PDZRN4: variants seen among roughly 807,000 people sequenced by gnomAD.
PDZRN4 encodes the protein PDZ domain containing ring finger 4.
A neutral mutation model predicts 99.0 loss-of-function variants in PDZRN4; 70 were observed. The ratio of observed to expected loss-of-function variants is 0.71; its 90% confidence interval spans 0.58 to 0.86. PDZRN4 has a LOEUF of 0.86. PDZRN4 is among the 40% of genes least tolerant of loss of function. The pLI is 0.00. For synonymous variants in PDZRN4, 551 were observed against 501.6 expected, an observed-to-expected ratio of 1.10 and a Z score of -1.32; for missense variants, 1,474 against 1,331.2, an observed-to-expected ratio of 1.11 and a Z score of -1.67.
At chr12:41,348,320 G>T (rs1160120696) in intron 3 of PDZRN4, among the ~76,000 whole-genome samples, 1 of 152,024 alleles carries the variant, frequency 6.6e-6, no homozygotes, top group Non-Finnish European at 1.5e-5. Context: ...CAGGGGATCT[G>T]CTAAGTCAAG....
intron 3 of PDZRN4, among the ~76,000 whole-genome samples, chr12:41,392,321 A>G (rs911094101): frequency 1.5e-4 from 23 of 152,254 alleles, no homozygotes; most frequent in Admixed American, 6.5e-4. Context: ...ACACACACAC[A>G]TCAGAAATAA....
chr12:41,199,545 A>G (rs955791976), intron 3 of PDZRN4, among the ~76,000 whole-genome samples: 21 of 152,122 alleles, frequency 1.4e-4, no homozygotes, highest in Middle Eastern at 3.2e-3. Context: ...TATAAAAAAG[A>G]CACCTGCAGT....
At chr12:41,291,969 A>C (rs7959120) in intron 3 of PDZRN4, among the ~76,000 whole-genome samples, 20,065 of 152,154 alleles carry the variant, frequency 0.13, 1,735 homozygotes, top group African/African-American at 0.25. Context: ...AACTGGAAAT[A>C]TACTAGCATT....
intron 3 of PDZRN4, among the ~76,000 whole-genome samples, chr12:41,293,651 C>T (rs971658366): frequency 6.6e-6 from 1 of 152,094 alleles, no homozygotes; most frequent in Non-Finnish European, 1.5e-5. Flanking sequence ...AATAACTCAT[C>T]CTGGCAAAAG....
At chr12:41,293,432 G>T (rs934887516) in intron 3 of PDZRN4, among the ~76,000 whole-genome samples, 1 of 151,384 alleles carries the variant, frequency 6.6e-6, no homozygotes, top group Non-Finnish European at 1.5e-5. Context: ...TACTACCTGC[G>T]CTCCTGCTCT....
At chr12:41,296,231 A>G (rs955143141) in intron 3 of PDZRN4, among the ~76,000 whole-genome samples, 2 of 152,210 alleles carry the variant, frequency 1.3e-5, no homozygotes, top group Admixed American at 1.3e-4. Flanking sequence ...GGATTTCATT[A>G]AAGAACTGTA....
At chr12:41,418,713 T>C (rs1427314447) in intron 3 of PDZRN4, among the ~76,000 whole-genome samples, 2 of 152,170 alleles carry the variant, frequency 1.3e-5, no homozygotes, top group Non-Finnish European at 2.9e-5. Flanking sequence ...CAGTCCTCCT[T>C]GGAGGAGAGC....
chr12:41,380,956 A>G (rs1952120660), intron 3 of PDZRN4, among the ~76,000 whole-genome samples: 1 of 152,148 alleles, frequency 6.6e-6, no homozygotes, highest in Non-Finnish European at 1.5e-5. Flanking sequence ...AAAAGCCTTT[A>G]TCTCTGTCTT....
chr12:41,400,861 C>T (rs1239018305), intron 3 of PDZRN4, among the ~76,000 whole-genome samples: 1 of 152,066 alleles, frequency 6.6e-6, no homozygotes, highest in Admixed American at 6.6e-5. Context: ...CCAACTTGGC[C>T]AAAATTAGCC....
At chr12:41,249,410 TAAATTAGTATATGGGAACTTGC>T (rs2120804523) in intron 3 of PDZRN4, among the ~76,000 whole-genome samples, 1 of 152,234 alleles carries the variant, frequency 6.6e-6, no homozygotes, top group East Asian at 1.9e-4. Context: ...TTGGAGAAAA[TAAATTAGTATATGGGAACTTGC>T]ACACCATTTG....
chr12:41,527,690 C>T (rs145032174), intron 5 of PDZRN4, among the ~76,000 whole-genome samples: 253 of 152,304 alleles, frequency 1.7e-3, no homozygotes, highest in African/African-American at 3.6e-3. Context: ...TTTGGGCAAG[C>T]TTGACATTCA....
At chr12:41,372,898 C>T (rs963446591) in intron 3 of PDZRN4, among the ~76,000 whole-genome samples, 15 of 151,980 alleles carry the variant, frequency 9.9e-5, no homozygotes, top group Admixed American at 3.3e-4. Context: ...AGATATCAGG[C>T]GAAATTCAGC....
chr12:41,274,421 C>T (rs941917696), intron 3 of PDZRN4, among the ~76,000 whole-genome samples: 1 of 152,086 alleles, frequency 6.6e-6, no homozygotes, highest in Non-Finnish European at 1.5e-5. Flanking sequence ...GCTTAAAATG[C>T]TGAGCTTGTT....
intron 3 of PDZRN4, among the ~76,000 whole-genome samples, chr12:41,416,966 A>G (rs1168846097): frequency 6.6e-6 from 1 of 152,200 alleles, no homozygotes; most frequent in Non-Finnish European, 1.5e-5. Flanking sequence ...AAAAGCATCT[A>G]AAGAATAGGT....
chr12:41,568,066 T>C (rs924070295), intron 9 of PDZRN4, among the ~76,000 whole-genome samples, 167 bp downstream of exon 9: 3 of 152,170 alleles, frequency 2.0e-5, no homozygotes, highest in African/African-American at 7.2e-5. Context: ...AGGGAATAAA[T>C]AAAATGTTTT....
chr12:41,316,015 G>A (rs1951635931), intron 3 of PDZRN4, among the ~76,000 whole-genome samples: 2 of 152,136 alleles, frequency 1.3e-5, no homozygotes, highest in South Asian at 4.1e-4. Flanking sequence ...GTAGGGTGAA[G>A]TGTCCAGGGA....
intron 3 of PDZRN4, among the ~76,000 whole-genome samples, chr12:41,233,187 A>G (rs1024652195): frequency 2.0e-5 from 3 of 152,196 alleles, no homozygotes; most frequent in Non-Finnish European, 4.4e-5. Flanking sequence ...ACATGAAAAA[A>G]TGCTCATCAT....
At chr12:41,460,861 G>A (rs1275316970) in intron 3 of PDZRN4, among the ~76,000 whole-genome samples, 5 of 152,186 alleles carry the variant, frequency 3.3e-5, no homozygotes, top group Non-Finnish European at 7.3e-5. Flanking sequence ...TGTCTGTCAT[G>A]AGTAGAACAC....
At chr12:41,327,299 T>C (rs1485014731) in intron 3 of PDZRN4, among the ~76,000 whole-genome samples, 1 of 152,198 alleles carries the variant, frequency 6.6e-6, no homozygotes, top group Non-Finnish European at 1.5e-5. Context: ...CTTAGGGGAC[T>C]TTCCTTTTGC....
Sources: gnomAD v4.1 joint callset for allele counts (sites outside exome capture counted in the v4.1 genomes callset) on GRCh38, gnomAD v4.1.1 for gene constraint, MANE v1.5 for transcripts, NCBI Gene and HGNC (gene_info 2026-07-23, HGNC 2026-07-21) for gene names.